Variants in PARP8 observed in about 807,000 individuals in gnomAD.
PARP8 encodes the protein protein mono-ADP-ribosyltransferase PARP8.
In PARP8, 51 loss-of-function variants were observed where a neutral mutation model predicts 124.1. The ratio of observed to expected loss-of-function variants is 0.41; its 90% confidence interval spans 0.33 to 0.52. PARP8 has a LOEUF of 0.52. PARP8 is among the 20% of genes least tolerant of loss of function. The pLI, the probability that PARP8 is intolerant of heterozygous loss-of-function variation, is 0.21. For synonymous variants in PARP8, 391 were observed against 361.5 expected (o/e 1.08, Z -0.93); for missense variants, 860 against 1,018.9 (o/e 0.84, Z 2.12).
chr5:50,718,859 T>C (rs916074319), intron 2 of PARP8, among the ~76,000 whole-genome samples: 1 of 152,050 alleles, frequency 6.6e-6, no homozygotes, highest in African/African-American at 2.4e-5. Flanking sequence ...CTGGATCATA[T>C]GGTATTTGTA....
intron 14 of PARP8, among the ~76,000 whole-genome samples, chr5:50,808,852 G>T (rs1447383622): frequency 6.6e-6 from 1 of 151,904 alleles, no homozygotes; most frequent in East Asian, 1.9e-4. Flanking sequence ...AGAGTAAAAC[G>T]GGTAGGTCTG....
At chr5:50,707,627 CAGAG>C (rs34400961) in intron 2 of PARP8, among the ~76,000 whole-genome samples, 16,643 of 145,182 alleles carry the variant, frequency 0.11, 1,031 homozygotes, top group African/African-American at 0.17. Flanking sequence ...ATAGGGGAGA[CAGAG>C]AGAGAGAGAG....
intron 2 of PARP8, among the ~76,000 whole-genome samples, chr5:50,727,997 G>A (rs1332108642): frequency 6.6e-6 from 1 of 152,082 alleles, no homozygotes; most frequent in Non-Finnish European, 1.5e-5. Context: ...GCACAGAGTG[G>A]GTCTTCAGTA....
At chr5:50,686,452 T>A (rs555976672) in intron 2 of PARP8, among the ~76,000 whole-genome samples, 58 of 152,180 alleles carry the variant, frequency 3.8e-4, no homozygotes, top group Non-Finnish European at 7.1e-4. Flanking sequence ...GCACAGCTTT[T>A]CCAGGCACAT....
intron 9 of PARP8, among the ~76,000 whole-genome samples, chr5:50,783,102 G>C (rs541689973): frequency 1.5e-4 from 23 of 152,014 alleles, no homozygotes; most frequent in African/African-American, 5.1e-4. Context: ...AGAAGATATG[G>C]CAACTGCTAA....
chr5:50,823,208 C>T (rs967280258), intron 17 of PARP8, among the ~76,000 whole-genome samples: 3 of 152,210 alleles, frequency 2.0e-5, no homozygotes, highest in Admixed American at 2.0e-4. Context: ...CCCTCCTGTC[C>T]CAGGGCCCAC....
chr5:50,706,610 A>G (rs887842192), intron 2 of PARP8, among the ~76,000 whole-genome samples: 2 of 151,952 alleles, frequency 1.3e-5, no homozygotes, highest in Admixed American at 1.3e-4. Flanking sequence ...TTGTTTTTGC[A>G]TTTAAGACTA....
rs191496266 is a variant in PARP8 at position 50,821,540 on chromosome 5, G to A, written c.1794+202G>A. Among the ~76,000 whole-genome samples the A allele has an allele frequency of 4.4e-4, 67 of 152,212 alleles. 1 individual carries two copies. Among genetic ancestry groups the A allele is most frequent in the Middle Eastern group, 3.4e-3 (1 of 294 alleles). ...TTTGATTTTAAAGATCATGGGTAAA[G>A]GGACAAGTTTTCCTTTCTTTTCTGC... On this transcript the variant is annotated intron_variant, in intron 16 of 25. Coordinates refer to ENST00000281631, the MANE Select transcript of PARP8 (RefSeq NM_024615.4).
Position 50,736,730 on chromosome 5 carries a change from C to A in PARP8, c.147-13421C>A, listed in dbSNP as rs549177967. 2.0e-5 allele frequency among the ~76,000 whole-genome samples: 3 copies of A among 152,192 alleles called. No homozygotes were observed. The South Asian group carries it at 6.2e-4, about 32-fold the overall frequency. On this transcript the variant is annotated intron_variant, in intron 2 of 25. Transcript: ENST00000281631. ...CCTATCATTCCAATGGAAAAACACC[C>A]AAGATCTTTTTTGCCCTTTTTCAAG...
chr5:50,834,150 G>A, intron 24 of PARP8, 102 bp downstream of exon 24: 2 of 935,226 alleles, frequency 2.1e-6, no homozygotes, highest in Non-Finnish European at 3.2e-6. Context: ...AATAGGGAAA[G>A]CATTATTCCT....
chr5:50,699,716 C>T (rs1753388058), intron 2 of PARP8, among the ~76,000 whole-genome samples: 1 of 152,102 alleles, frequency 6.6e-6, no homozygotes, highest in South Asian at 2.1e-4. Flanking sequence ...TGTTGAAATG[C>T]AGATTCAGAT....
At chr5:50,726,648 C>G (rs923821628) in intron 2 of PARP8, among the ~76,000 whole-genome samples, 1 of 152,158 alleles carries the variant, frequency 6.6e-6, no homozygotes, top group African/African-American at 2.4e-5. Flanking sequence ...CACAAGGGAG[C>G]TGTTTTGCCC....
intron 12 of PARP8, 22 bp from the exon 13 acceptor site, chr5:50,796,960 T>A (rs1742625899): frequency 6.3e-7 from 1 of 1,593,988 alleles, no homozygotes; most frequent in Admixed American, 1.7e-5. Context: ...ATTATCATTT[T>A]TTTTTACTTT....
rs962959190 is a variant in PARP8, at chr5:50,844,484, A to T, written c.*2416A>T. 2 of 151,874 alleles carry T rather than the reference A, an allele frequency of 1.3e-5. No homozygotes were observed. Among genetic ancestry groups the T allele is most frequent in the Non-Finnish European group, 2.9e-5 (2 of 67,838 alleles). 9.4% of individuals were successfully genotyped at this position (151,874 alleles called of 1,614,324 possible). The stretch of plus-strand genomic sequence containing the variant: ...GTGCTTCCAAAATCCAAGCAGGTCC[A>T]TACAATTTAGAGATTTGAACACTGT... On this transcript the variant is annotated 3_prime_UTR_variant, in exon 26 of 26. Coordinates refer to ENST00000281631, the MANE Select transcript of PARP8 (RefSeq NM_024615.4).
At chr5:50,807,176 A>G (rs1743943290) in intron 14 of PARP8, among the ~76,000 whole-genome samples, 1 of 151,674 alleles carries the variant, frequency 6.6e-6, no homozygotes, top group South Asian at 2.1e-4. Flanking sequence ...CACTGCTTTT[A>G]TACTATCTGT....
intron 22 of PARP8, among the ~76,000 whole-genome samples, chr5:50,831,868 T>G (rs1219011281): frequency 6.6e-6 from 1 of 152,184 alleles, no homozygotes; most frequent in Non-Finnish European, 1.5e-5. Flanking sequence ...AAAACAAATG[T>G]AAGAATCACT....
chr5:50,760,471 G>A, intron 5 of PARP8, 109 bp downstream of exon 5: 10 of 891,094 alleles, frequency 1.1e-5, no homozygotes, highest in Non-Finnish European at 1.4e-5. Context: ...GGTATATGGT[G>A]AATGAAACTC....
intron 17 of PARP8, among the ~76,000 whole-genome samples, chr5:50,824,514 A>T (rs1478157766): frequency 1.3e-5 from 2 of 152,200 alleles, no homozygotes; most frequent in African/African-American, 4.8e-5. Context: ...AGAAGGGGAT[A>T]AGTGGAGAAT....
At chr5:50,784,317 AAAGAT>A in intron 9 of PARP8, among the ~76,000 whole-genome samples, 1 of 152,294 alleles carries the variant, frequency 6.6e-6, no homozygotes, top group Non-Finnish European at 1.5e-5. Context: ...CTTTGAAACT[AAAGAT>A]AAGGATTATT....
Sources: allele counts gnomAD v4.1 joint callset (sites outside exome capture counted in the v4.1 genomes callset), GRCh38; gene constraint gnomAD v4.1.1; transcripts MANE v1.5; gene names NCBI Gene and HGNC (gene_info 2026-07-23, HGNC 2026-07-21).